Variants in AGMO observed in about 807,000 individuals in gnomAD.
The protein encoded by AGMO is alkylglycerol monooxygenase.
AGMO carries 75 observed loss-of-function variants against 60.2 expected under a neutral mutation model. The observed-to-expected ratio is 1.25, with a 90% confidence interval of 1.03 to 1.51. The LOEUF (loss-of-function observed/expected upper bound fraction) is 1.51, where lower values mean the gene tolerates loss of function less well. Ranked by LOEUF, AGMO falls within the 40% of genes most tolerant of loss-of-function variation. The pLI is 0.00. For missense variants in AGMO, 763 were observed against 525.5 expected, an observed-to-expected ratio of 1.45 and a Z score of -4.42; for synonymous variants, 261 against 177.1, an observed-to-expected ratio of 1.47 and a Z score of -3.76.
the AGMO span, among the ~76,000 whole-genome samples, chr7:15,117,970 A>G: frequency 1.2e-4 from 18 of 152,022 alleles, no homozygotes; most frequent in Middle Eastern, 6.3e-3. Context: ...TTCACCCAAC[A>G]ATGGCATTGA....
intron 2 of AGMO, among the ~76,000 whole-genome samples, chr7:15,557,635 T>C (rs1281908009): frequency 6.6e-6 from 1 of 151,336 alleles, no homozygotes; most frequent in Non-Finnish European, 1.5e-5. Context: ...AAAATATTTT[T>C]CACCATAGTT....
the AGMO span, among the ~76,000 whole-genome samples, chr7:15,174,279 C>G: frequency 6.6e-6 from 1 of 151,992 alleles, no homozygotes; most frequent in Non-Finnish European, 1.5e-5. Context: ...TACATAAAAT[C>G]TGGAAAACTA....
intron 3 of AGMO, among the ~76,000 whole-genome samples, chr7:15,513,591 A>C (rs954624203): frequency 6.6e-6 from 1 of 152,048 alleles, no homozygotes; most frequent in Non-Finnish European, 1.5e-5. Flanking sequence ...ACTTATTTCC[A>C]TGGCTGTTTC....
chr7:15,496,153 A>G (rs1783227687), intron 3 of AGMO, among the ~76,000 whole-genome samples: 1 of 152,114 alleles, frequency 6.6e-6, no homozygotes, highest in South Asian at 2.1e-4. Flanking sequence ...TCTCATGGAG[A>G]TGAGTGGAAA....
intron 12 of AGMO, among the ~76,000 whole-genome samples, chr7:15,219,018 C>G (rs1781834603): frequency 6.6e-6 from 1 of 152,102 alleles, no homozygotes; most frequent in Non-Finnish European, 1.5e-5. Flanking sequence ...GTAAAGCTGT[C>G]AGAATCATGT....
chr7:15,474,120 A>G (rs1782525919), intron 3 of AGMO, among the ~76,000 whole-genome samples: 1 of 152,150 alleles, frequency 6.6e-6, no homozygotes. Flanking sequence ...AAATGGCTAT[A>G]CTGCCCAAAG....
chr7:15,450,142 C>T (rs373706375), intron 3 of AGMO, among the ~76,000 whole-genome samples: 4 of 152,146 alleles, frequency 2.6e-5, no homozygotes, highest in South Asian at 2.1e-4. Flanking sequence ...ATTTCAGGGC[C>T]GGGCGCGGTG....
At chr7:15,175,011 T>C in the AGMO span, among the ~76,000 whole-genome samples, 1 of 151,880 alleles carries the variant, frequency 6.6e-6, no homozygotes, top group African/African-American at 2.4e-5. Flanking sequence ...TTGCAATATA[T>C]ATCCTTTAAA....
rs549597569 is a variant in AGMO, at chr7:15,357,466, T to C, written c.1263+8048A>G. Among the ~76,000 whole-genome samples, 28 of 152,282 alleles carry C rather than the reference T, an allele frequency of 1.8e-4. No homozygotes were observed. The South Asian group carries it at 4.8e-3, about 26-fold the overall frequency. On this transcript the variant is annotated intron_variant, in intron 12 of 12. Coordinates refer to ENST00000342526, the MANE Select transcript of AGMO (RefSeq NM_001004320.2). ...AGACGGATAAAAGGCCATAAATTTATGTGTGCCCTTTTGCAATTGATCTTA... is the reference window on the plus strand; with the variant it reads ...AGACGGATAAAAGGCCATAAATTTACGTGTGCCCTTTTGCAATTGATCTTA...
chr7:15,339,887 G>C (rs1390076901), intron 12 of AGMO, among the ~76,000 whole-genome samples: 6 of 152,088 alleles, frequency 3.9e-5, no homozygotes, highest in Admixed American at 6.6e-5. Flanking sequence ...AAATTGCTAT[G>C]TTCATTATTA....
the AGMO span, among the ~76,000 whole-genome samples, chr7:15,183,831 CA>C: frequency 6.6e-6 from 1 of 152,062 alleles, no homozygotes; most frequent in Non-Finnish European, 1.5e-5. Context: ...AATATATAAA[CA>C]AATTATTTTT....
chr7:15,193,544 T>C, the AGMO span, among the ~76,000 whole-genome samples: 1 of 152,178 alleles, frequency 6.6e-6, no homozygotes, highest in African/African-American at 2.4e-5. Flanking sequence ...TCACTTGAAG[T>C]TGGAACTCTT....
At chr7:15,348,816 A>G (rs567230449) in intron 12 of AGMO, among the ~76,000 whole-genome samples, 4 of 152,146 alleles carry the variant, frequency 2.6e-5, no homozygotes, top group Non-Finnish European at 2.9e-5. Flanking sequence ...AATCACATGC[A>G]AAAATTACCC....
chr7:15,224,237 C>A (rs984905600), intron 12 of AGMO, among the ~76,000 whole-genome samples: 1 of 151,876 alleles, frequency 6.6e-6, no homozygotes, highest in Non-Finnish European at 1.5e-5. Flanking sequence ...ATACTCTAGC[C>A]AAATCTTTCA....
chr7:15,281,308 A>G (rs944652965), intron 12 of AGMO, among the ~76,000 whole-genome samples: 9 of 152,152 alleles, frequency 5.9e-5, no homozygotes, highest in African/African-American at 2.2e-4. Flanking sequence ...CACTGCAGAT[A>G]CAGCTGGGGC....
chr7:15,132,365 C>CA, the AGMO span, among the ~76,000 whole-genome samples: 3 of 152,056 alleles, frequency 2.0e-5, no homozygotes, highest in Non-Finnish European at 4.4e-5. Flanking sequence ...CAAATGATAT[C>CA]AGCTAATAGT....
chr7:15,384,907 G>A (rs1377347976), intron 10 of AGMO, among the ~76,000 whole-genome samples: 2 of 98,420 alleles, frequency 2.0e-5, no homozygotes, highest in Non-Finnish European at 4.1e-5. Context: ...GTATTCTTTT[G>A]TGGCCAAAAA....
intron 8 of AGMO, 133 bp from the exon 9 acceptor site, chr7:15,387,673 G>T: frequency 1.3e-6 from 1 of 741,316 alleles, no homozygotes; most frequent in Non-Finnish European, 2.1e-6. Context: ...TAGAGCAACA[G>T]AAATGTGTAA....
At chr7:15,374,759 T>C (rs775851756) in intron 10 of AGMO, among the ~76,000 whole-genome samples, 4 of 152,012 alleles carry the variant, frequency 2.6e-5, no homozygotes, top group African/African-American at 7.3e-5. Context: ...CCAGAGGAGC[T>C]TGGTGGATTC....
Sources: gnomAD v4.1 joint callset for allele counts (sites outside exome capture counted in the v4.1 genomes callset) on GRCh38, gnomAD v4.1.1 for gene constraint, MANE v1.5 for transcripts, NCBI Gene and HGNC (gene_info 2026-07-23, HGNC 2026-07-21) for gene names.